Variants in ARSI observed in about 807,000 individuals in gnomAD.
ARSI encodes arylsulfatase family member I.
A neutral mutation model predicts 42.1 loss-of-function variants in ARSI; 37 were observed. The ratio of observed to expected loss-of-function variants is 0.88; its 90% CI spans 0.68 to 1.16. ARSI has a LOEUF of 1.16. ARSI is among the 50% of genes most tolerant of loss of function. ARSI has a pLI of 0.00. For synonymous variants in ARSI, 305 were observed against 320.3 expected (o/e 0.95, Z 0.51); for missense variants, 725 against 790.1 (o/e 0.92, Z 0.99).
rs1285339144 is a variant in ARSI, at chr5:150,297,171, G to A, written c.*43C>T. The A allele has an allele frequency of 6.6e-7, 1 of 1,526,534 alleles. No homozygotes were observed. The highest frequency in any genetic ancestry group is 8.8e-7 in the Non-Finnish European group (1 of 1,137,788). The allele number at this position is 1,526,534 out of a possible 1,614,324, so 94.6% of individuals were successfully genotyped here. ...TGAGAAACAGCAGGGCCAAGCCGGA[G>A]TGGGGAAGATCCTCTAAAGGACAGT... On this transcript the variant is annotated 3_prime_UTR_variant, in exon 2 of 2. Coordinates refer to ENST00000328668, the MANE Select transcript of ARSI (RefSeq NM_001012301.4). The surrounding 1 kb of genome is among the most constrained non-coding windows in gnomAD (Gnocchi z 7.0).
rs1442432509 is a variant in ARSI, at chr5:150,302,568, C to T, written c.-195G>A. ...ATCTGCTCGGCCGCAGCGGGGCGCT[C>T]TGGGGAGGTCAGGCCCGCGCCGAGC... On this transcript the variant is annotated 5_prime_UTR_variant, in exon 1 of 2. Coordinates refer to ENST00000328668, the MANE Select transcript of ARSI (RefSeq NM_001012301.4). This position sits in a 1 kb window ranked among gnomAD's most constrained non-coding sequence, Gnocchi z 6.1. 1 of 428,738 alleles carries T rather than the reference C, an allele frequency of 2.3e-6. No homozygotes were observed. The highest frequency in any genetic ancestry group is 2.1e-5 in the African/African-American group (1 of 48,246). 26.6% of individuals were successfully genotyped at this position (428,738 alleles called of 1,614,324 possible). A position where few individuals can be genotyped will look rare whatever the true frequency, so the allele number is the denominator to read the frequency against.
chr5:150,297,236 C>G lies in ARSI; in HGVS notation c.1688G>C (p.Arg563Thr). 6.3e-7 allele frequency: 1 copy of G among 1,579,618 alleles called. No homozygotes were observed. The highest frequency in any genetic ancestry group is 1.2e-5 in the South Asian group (1 of 83,446). ...LRSFFRKLNT[R>T]LMSQRI is the part of the protein sequence containing the mutation. Reference sequence around the variant, plus strand: ...CCATCAGATCCGTTGGGACATTAGCCTGGTGTTGAGTTTACGGAAAAAGGA... The same window carrying G: ...CCATCAGATCCGTTGGGACATTAGCGTGGTGTTGAGTTTACGGAAAAAGGA... The change falls in exon 2 of 2, where the codon AGG becomes ACG. Residue 563 changes from arginine (R) to threonine (T), a missense_variant. Arg to Thr is a moderately conservative substitution (Grantham distance 71, BLOSUM62 -1). Transcript: ENST00000328668. This position sits in a 1 kb window ranked among gnomAD's most constrained non-coding sequence, Gnocchi z 7.0.
At chr5:150,298,822 T>C (rs1390952570) in intron 1 of ARSI, among the ~76,000 whole-genome samples, 1 of 152,188 alleles carries the variant, frequency 6.6e-6, no homozygotes, top group African/African-American at 2.4e-5. Flanking sequence ...AAGTAGATCA[T>C]ATTGTCGTTT....
chr5:150,299,708 C>T (rs964473019), intron 1 of ARSI, among the ~76,000 whole-genome samples: 3 of 151,968 alleles, frequency 2.0e-5, no homozygotes, highest in South Asian at 2.1e-4. Context: ...ACTGGGCTGC[C>T]GTATCTCTTC....
chr5:150,298,677 C>G, intron 1 of ARSI, 65 bp from the exon 2 acceptor site: 1 of 1,455,842 alleles, frequency 6.9e-7, no homozygotes, highest in Non-Finnish European at 9.3e-7. Flanking sequence ...TCTGGCCATC[C>G]AGTCCCCAGT....
At chr5:150,301,729 T>G (rs1757922047) in intron 1 of ARSI, among the ~76,000 whole-genome samples, 1 of 152,032 alleles carries the variant, frequency 6.6e-6, no homozygotes, top group Non-Finnish European at 1.5e-5. Flanking sequence ...ATTAAATGAC[T>G]TGCTCAGGGT....
chr5:150,297,523 G>C lies in ARSI; in HGVS notation c.1401C>G (p.Ile467Met). ...CCTCCCGTTCATAAGGGTCAGCACT[G>C]ATGTTGAAGAGCCACACGGCCTGGC... is the stretch of plus-strand genomic sequence containing the variant. ...SVRQAVWLFN[I>M]SADPYEREDL... The change falls in exon 2 of 2, where the codon ATC (isoleucine) becomes ATG (methionine). Residue 467 changes from isoleucine to methionine, a missense_variant. By Grantham distance (10) the Ile-to-Met change is conservative. Coordinates refer to ENST00000328668, the MANE Select transcript of ARSI (RefSeq NM_001012301.4). The surrounding 1 kb of genome is among the most constrained non-coding windows in gnomAD (Gnocchi z 7.0). 1 of 1,613,740 alleles carries C rather than the reference G, an allele frequency of 6.2e-7. No homozygotes were observed. The highest frequency in any genetic ancestry group is 8.5e-7 in the Non-Finnish European group (1 of 1,179,944).
In ARSI at chr5:150,302,736, G is replaced by C. The variant is rs953720493; in HGVS notation, c.-363C>G. ...TGACTCCCCTCTTCCTTCTTGCCCT[G>C]GATTTCTCCCGCCTCCTAATTTCTC... On this transcript the variant is annotated 5_prime_UTR_variant, in exon 1 of 2. Transcript: ENST00000328668. The surrounding 1 kb of genome is among the most constrained non-coding windows in gnomAD (Gnocchi z 6.1). 2.7e-5 allele frequency: 5 copies of C among 183,400 alleles called. No homozygotes were observed. The highest frequency in any genetic ancestry group is 4.5e-5 in the Non-Finnish European group (4 of 89,472). The allele number at this position is 183,400 out of a possible 1,614,324, so 11.4% of individuals were successfully genotyped here.
chr5:150,301,894 A>C (rs1384227111), intron 1 of ARSI, among the ~76,000 whole-genome samples, 169 bp downstream of exon 1: 1 of 152,222 alleles, frequency 6.6e-6, no homozygotes, highest in African/African-American at 2.4e-5. Context: ...CATTCAGTGT[A>C]AAGGAAGGGT....
In ARSI at chr5:150,298,388, G is replaced by A; in HGVS notation, c.536C>T (p.Thr179Ile). 6.2e-7 allele frequency: 1 copy of A among 1,614,222 alleles called. No individual in the cohort carries two copies. The highest frequency in any genetic ancestry group is 8.5e-7 in the Non-Finnish European group (1 of 1,180,046). ...GSLTGNVDYYTYDNCDGPGVC... is the reference protein window; with the variant it reads ...GSLTGNVDYYIYDNCDGPGVC... Reference sequence around the variant, plus strand: ...GCCTGGGCCATCACAGTTGTCATAGGTGTAATAGTCCACATTGCCCGTGAG... The same window carrying A: ...GCCTGGGCCATCACAGTTGTCATAGATGTAATAGTCCACATTGCCCGTGAG... The change falls in exon 2 of 2, where the codon ACC becomes ATC. Residue 179 changes from threonine (T) to isoleucine (I), a missense_variant. Physicochemically the swap from Thr to Ile is moderately conservative, Grantham distance 89 (BLOSUM62 -1). Coordinates refer to ENST00000328668, the MANE Select transcript of ARSI (RefSeq NM_001012301.4).
chr5:150,299,195 C>T (rs896785964), intron 1 of ARSI, among the ~76,000 whole-genome samples: 13 of 152,330 alleles, frequency 8.5e-5, no homozygotes, highest in East Asian at 5.8e-4. Context: ...TTAACTTGCA[C>T]TGGGGCCTAG....
chr5:150,300,745 G>A (rs528423162), intron 1 of ARSI, among the ~76,000 whole-genome samples: 1 of 152,328 alleles, frequency 6.6e-6, no homozygotes, highest in East Asian at 1.9e-4. Flanking sequence ...CAGGGGACTG[G>A]AGCACTGCCC....
chr5:150,300,409 G>A (rs73268782), intron 1 of ARSI, among the ~76,000 whole-genome samples: 265 of 152,206 alleles, frequency 1.7e-3, no homozygotes, highest in African/African-American at 3.0e-3. Context: ...TGGTGATAAC[G>A]GCCTCTCCAG....
At chr5:150,301,148 A>C (rs1290817728) in intron 1 of ARSI, among the ~76,000 whole-genome samples, 1 of 152,216 alleles carries the variant, frequency 6.6e-6, no homozygotes, top group Non-Finnish European at 1.5e-5. Flanking sequence ...TCCAAGAAAT[A>C]GTGAGACTAA....
In ARSI at chr5:150,298,393, A is replaced by C. The variant is rs1394887261; in HGVS notation, c.531T>G (p.Tyr177Ter). 7 of 1,614,180 alleles carry C rather than the reference A, an allele frequency of 4.3e-6. No homozygotes were observed. Among genetic ancestry groups the C allele is most frequent in the Non-Finnish European group, 5.9e-6 (7 of 1,180,040 alleles). ...FLGSLTGNVD[Y>*]YTYDNCDGPG... ...GGCCATCACAGTTGTCATAGGTGTA[A>C]TAGTCCACATTGCCCGTGAGCGAGC... The change falls in exon 2 of 2, where the codon TAT becomes TAG. Residue 177 changes from tyrosine (Y) to a stop codon, truncating the protein, a stop_gained. Transcript: ENST00000328668. LOFTEE classifies it high-confidence loss of function.
rs1757926451 is a variant in ARSI at position 150,302,002 on chromosome 5, C to A, written c.311+61G>T. The A allele has an allele frequency of 1.4e-6, 2 of 1,475,732 alleles. No individual in the cohort carries two copies. Among genetic ancestry groups the A allele is most frequent in the South Asian group, 2.7e-5 (2 of 74,730 alleles). The allele number at this position is 1,475,732 out of a possible 1,614,324, so 91.4% of individuals were successfully genotyped here. On this transcript the variant is annotated intron_variant, in intron 1 of 1. Transcript: ENST00000328668. This position sits in a 1 kb window ranked among gnomAD's most constrained non-coding sequence, Gnocchi z 6.1. ...ATGGGGTGGTACTGGCAGGAGAAAT[C>A]TATCAACTGGGTTGATTTGGGGTTT...
rs905503041 is a variant in ARSI at position 150,302,490 on chromosome 5, C to G, written c.-117G>C. The G allele has an allele frequency of 1.3e-6, 1 of 754,356 alleles. No individual in the cohort carries two copies. Among genetic ancestry groups the G allele is most frequent in the Non-Finnish European group, 1.9e-6 (1 of 528,322 alleles). The allele number at this position is 754,356 out of a possible 1,614,324, so 46.7% of individuals were successfully genotyped here. Reference sequence around the variant, plus strand: ...ATGCTGCGAGGGAGTTCAGCGCCCCCCGGGGACGGTCCAGTGTCTGGTCCG... The same window carrying G: ...ATGCTGCGAGGGAGTTCAGCGCCCCGCGGGGACGGTCCAGTGTCTGGTCCG... On this transcript the variant is annotated 5_prime_UTR_variant, in exon 1 of 2. Coordinates refer to ENST00000328668, the MANE Select transcript of ARSI (RefSeq NM_001012301.4). The surrounding 1 kb of genome is among the most constrained non-coding windows in gnomAD (Gnocchi z 6.1).
Position 150,297,528 on chromosome 5 carries a change from T to C in ARSI, c.1396A>G (p.Asn466Asp). The C allele has an allele frequency of 1.2e-6, 2 of 1,613,672 alleles. No individual in the cohort carries two copies. The highest frequency in any genetic ancestry group is 2.2e-5 in the South Asian group (2 of 91,052). The stretch of plus-strand genomic sequence containing the variant: ...CGTTCATAAGGGTCAGCACTGATGT[T>C]GAAGAGCCACACGGCCTGGCGGACA... ...ASVRQAVWLF[N>D]ISADPYERED... The change falls in exon 2 of 2, where the codon AAC becomes GAC. Residue 466 changes from asparagine to aspartate, a missense_variant. Transcript: ENST00000328668. The surrounding 1 kb of genome is among the most constrained non-coding windows in gnomAD (Gnocchi z 7.0).
chr5:150,299,460 A>G (rs960904834), intron 1 of ARSI, among the ~76,000 whole-genome samples: 1 of 152,164 alleles, frequency 6.6e-6, no homozygotes, highest in Admixed American at 6.5e-5. Flanking sequence ...CACCCAAGTG[A>G]TGTTCAAAGA....
Sources: allele counts gnomAD v4.1 joint callset (sites outside exome capture counted in the v4.1 genomes callset), GRCh38; gene constraint gnomAD v4.1.1; non-coding constraint Gnocchi (gnomAD v3.1); transcripts MANE v1.5; gene names NCBI Gene and HGNC (gene_info 2026-07-23, HGNC 2026-07-21).